Variants in CRTC1 observed in about 807,000 individuals in gnomAD.
CRTC1 encodes CREB regulated transcription coactivator 1, also known as CREB-regulated transcription coactivator 1.
A neutral mutation model predicts 66.1 loss-of-function variants in CRTC1; 18 were observed. The observed-to-expected ratio is 0.27, with a 90% CI of 0.19 to 0.40. The LOEUF is 0.40. CRTC1 is among the 10% of genes least tolerant of loss of function. The probability of loss-of-function intolerance (pLI) is 1.00; values close to 1 mark genes in which losing one functional copy is unlikely to be tolerated. For synonymous variants in CRTC1, 416 were observed against 398.8 expected (o/e 1.04, Z -0.51); for missense variants, 669 against 887.9 (o/e 0.75, Z 3.13).
At chr19:18,752,495 T>C (rs1420520538) in intron 5 of CRTC1, among the ~76,000 whole-genome samples, 2 of 152,040 alleles carry the variant, frequency 1.3e-5, no homozygotes, top group Non-Finnish European at 2.9e-5. Context: ...ACTTTCTTAT[T>C]TTTTGTAGAG....
At chr19:18,725,057 G>A (rs1216936799) in intron 1 of CRTC1, among the ~76,000 whole-genome samples, 2 of 152,038 alleles carry the variant, frequency 1.3e-5, no homozygotes, top group African/African-American at 4.8e-5. Flanking sequence ...GAGCTGGGGG[G>A]TGTCCCCTTT....
At chr19:18,737,259 G>C (rs73537994) in intron 1 of CRTC1, among the ~76,000 whole-genome samples, 1 of 148,944 alleles carries the variant, frequency 6.7e-6, no homozygotes, top group Non-Finnish European at 1.5e-5. Flanking sequence ...GGGGTCAGGT[G>C]GGGGGGTAGG....
chr19:18,706,223 T>TTTTTTTTTTTTTA (rs2053262715), intron 1 of CRTC1, among the ~76,000 whole-genome samples: 1 of 110,800 alleles, frequency 9.0e-6, no homozygotes, highest in Non-Finnish European at 1.8e-5. Context: ...TTTTTTTTTT[T>TTTTTTTTTTTTTA]AGACAGAGTC....
In CRTC1 at chr19:18,768,626, C is replaced by T; in HGVS notation, c.1153C>T (p.Pro385Ser). The T allele has an allele frequency of 6.7e-7, 1 of 1,503,328 alleles. No homozygotes were observed. Among genetic ancestry groups the T allele is most frequent in the Non-Finnish European group, 9.0e-7 (1 of 1,108,548 alleles). 93.1% of individuals were successfully genotyped at this position (1,503,328 alleles called of 1,614,324 possible). ...GTCCCAGCAGCCACCACCCCCGCCA[C>T]CCCCACAGGCGCCCGTCCGCCTGCC... ...PASQQPPPPPPPQAPVRLPPG... is the reference protein window; with the variant it reads ...PASQQPPPPPSPQAPVRLPPG... Residue 385 changes from proline (P) to serine (S), a missense_variant, in exon 10 of 14, where the codon CCC becomes TCC. Physicochemically the swap from Pro to Ser is moderately conservative, Grantham distance 74. Coordinates refer to ENST00000321949, the MANE Select transcript of CRTC1 (RefSeq NM_015321.3). This position sits in a 1 kb window ranked among gnomAD's most constrained non-coding sequence, Gnocchi z 5.6.
At chr19:18,702,518 T>C (rs1030445239) in intron 1 of CRTC1, among the ~76,000 whole-genome samples, 1 of 151,250 alleles carries the variant, frequency 6.6e-6, no homozygotes. Context: ...CATACCTGGC[T>C]TCTTAGGGGA....
intron 10 of CRTC1, among the ~76,000 whole-genome samples, chr19:18,769,138 G>A (rs2054806623): frequency 6.6e-6 from 1 of 152,244 alleles, no homozygotes; most frequent in Non-Finnish European, 1.5e-5. Flanking sequence ...CGTTCTCAGG[G>A]CCAGGGCGCA....
At chr19:18,709,861 C>G (rs2053349561) in intron 1 of CRTC1, among the ~76,000 whole-genome samples, 1 of 152,204 alleles carries the variant, frequency 6.6e-6, no homozygotes, top group African/African-American at 2.4e-5. Context: ...CTGCCCTGCC[C>G]TGGCCCATCA....
intron 8 of CRTC1, among the ~76,000 whole-genome samples, chr19:18,761,141 C>T (rs1034002404): frequency 1.3e-5 from 2 of 152,252 alleles, no homozygotes; most frequent in African/African-American, 4.8e-5. Context: ...CCTCCCTCCC[C>T]TGCCCTGCCC....
chr19:18,698,315 G>A (rs560430446), intron 1 of CRTC1, among the ~76,000 whole-genome samples: 5 of 150,294 alleles, frequency 3.3e-5, no homozygotes, highest in African/African-American at 9.8e-5. Context: ...CGCTCAGCAG[G>A]CACAGTGTGT....
intron 6 of CRTC1, among the ~76,000 whole-genome samples, chr19:18,754,839 C>G (rs1264784103): frequency 1.3e-5 from 2 of 152,180 alleles, no homozygotes; most frequent in African/African-American, 4.8e-5. Context: ...GCAGGCAGAC[C>G]TGACTGAGGG....
intron 1 of CRTC1, among the ~76,000 whole-genome samples, chr19:18,719,583 A>G (rs913642778): frequency 6.6e-6 from 1 of 152,254 alleles, no homozygotes; most frequent in Non-Finnish European, 1.5e-5. Context: ...CCTTTGTCTT[A>G]GCCGTCCTGG....
In CRTC1 at chr19:18,712,294, C is replaced by T. The variant is rs139653611; in HGVS notation, c.126+28466C>T. On this transcript the variant is annotated intron_variant, in intron 1 of 13. Transcript: ENST00000321949. ...TTGTTTTTGAGACAGGAGCTCACTC[C>T]GTTGCCCAGGCTGGAGTTCAGTGGC... Among the ~76,000 whole-genome samples, 648 of 148,894 alleles carry T rather than the reference C, an allele frequency of 4.4e-3. 6 individuals are homozygous for T. Among genetic ancestry groups the T allele is most frequent in the African/African-American group, 0.015 (589 of 40,444 alleles).
chr19:18,702,977 C>T (rs115855287), intron 1 of CRTC1, among the ~76,000 whole-genome samples: 2,674 of 151,528 alleles, frequency 0.018, 24 homozygotes, highest in Middle Eastern at 0.027. Flanking sequence ...GATGGAGTCT[C>T]GCTCTCGCTC....
At chr19:18,715,198 C>T (rs2053479471) in intron 1 of CRTC1, among the ~76,000 whole-genome samples, 2 of 152,186 alleles carry the variant, frequency 1.3e-5, no homozygotes, top group Non-Finnish European at 2.9e-5. Flanking sequence ...CTTCACATGG[C>T]CTGTGTGTCT....
intron 1 of CRTC1, among the ~76,000 whole-genome samples, chr19:18,711,333 C>T (rs775079918): frequency 1.3e-4 from 20 of 151,924 alleles, no homozygotes; most frequent in African/African-American, 3.9e-4. Context: ...GCCCCGGGGC[C>T]GCTTTGAAGG....
intron 1 of CRTC1, among the ~76,000 whole-genome samples, chr19:18,728,760 TTCCCAAAGACC>T (rs1376221418): frequency 6.7e-6 from 1 of 148,166 alleles, no homozygotes; most frequent in East Asian, 2.0e-4. Context: ...CCACCTTGAC[TTCCCAAAGACC>T]TCCCAAAGTT....
chr19:18,722,755 C>G (rs1252987775), intron 1 of CRTC1, among the ~76,000 whole-genome samples: 1 of 152,164 alleles, frequency 6.6e-6, no homozygotes, highest in Non-Finnish European at 1.5e-5. Flanking sequence ...GAGACCTCAC[C>G]CCGCAGGTAG....
intron 1 of CRTC1, among the ~76,000 whole-genome samples, chr19:18,706,202 T>G (rs2053261825): frequency 1.1e-5 from 1 of 91,628 alleles, no homozygotes; most frequent in Non-Finnish European, 2.2e-5. Context: ...TTTTTTTTTT[T>G]TTTTTTTTTT....
Position 18,779,011 on chromosome 19 carries a change from T to G in CRTC1, c.*1629T>G, listed in dbSNP as rs1432152872. The G allele has an allele frequency of 8.6e-6, 2 of 232,062 alleles. No individual in the cohort carries two copies. Among genetic ancestry groups the G allele is most frequent in the Non-Finnish European group, 1.7e-5 (2 of 117,466 alleles). The allele number at this position is 232,062 out of a possible 1,614,324, so 14.4% of individuals were successfully genotyped here. On this transcript the variant is annotated 3_prime_UTR_variant, in exon 14 of 14. Transcript: ENST00000321949. ...AGGGTGACAGGGTACTTGGGAGCTG[T>G]CCTGGACCCTCCCCATACCACGGGC...
Sources: allele counts gnomAD v4.1 joint callset (sites outside exome capture counted in the v4.1 genomes callset), GRCh38; gene constraint gnomAD v4.1.1; non-coding constraint Gnocchi (gnomAD v3.1); transcripts MANE v1.5; gene names NCBI Gene and HGNC (gene_info 2026-07-23, HGNC 2026-07-21).